The following KLF12 variants were observed in gnomAD, a reference collection of about 807,000 sequenced individuals.
KLF12 encodes the protein Krueppel-like factor 12.
A neutral mutation model predicts 37.8 loss-of-function variants in KLF12; 9 were observed. That is an observed-to-expected ratio of 0.24 (90% CI 0.14 to 0.42). The LOEUF (loss-of-function observed/expected upper bound fraction) is 0.42, where lower values mean the gene tolerates loss of function less well. KLF12 is among the 10% of genes least tolerant of loss of function. The pLI is 1.00. For missense variants in KLF12, 411 were observed against 516.0 expected, an observed-to-expected ratio of 0.80 and a Z score of 1.97; for synonymous variants, 208 against 202.1, an observed-to-expected ratio of 1.03 and a Z score of -0.25.
At chr13:74,213,680 T>G in the KLF12 span, among the ~76,000 whole-genome samples, 1 of 151,500 alleles carries the variant, frequency 6.6e-6, no homozygotes, top group African/African-American at 2.4e-5. Flanking sequence ...TCATTCTATT[T>G]GAAATATTAT....
the KLF12 span, among the ~76,000 whole-genome samples, chr13:74,168,024 A>C: frequency 5.6e-4 from 86 of 152,364 alleles, no homozygotes; most frequent in African/African-American, 2.0e-3. Context: ...TAGAATTCAA[A>C]ATTTTCCAAA....
chr13:74,212,225 C>T, the KLF12 span, among the ~76,000 whole-genome samples: 2 of 152,098 alleles, frequency 1.3e-5, no homozygotes, highest in African/African-American at 4.8e-5. Flanking sequence ...CAACCCTTGT[C>T]ACACTTTTCA....
chr13:73,801,443 G>A (rs1177653378), intron 5 of KLF12: 1 of 152,018 alleles, frequency 6.6e-6, no homozygotes, highest in Admixed American at 6.6e-5. Flanking sequence ...AATGGTTCTG[G>A]GAACTTGTAG....
At chr13:74,081,594 T>C (rs1874890035) in intron 1 of KLF12, among the ~76,000 whole-genome samples, 1 of 152,192 alleles carries the variant, frequency 6.6e-6, no homozygotes, top group South Asian at 2.1e-4. Flanking sequence ...GGATCTGCCA[T>C]GAGCAACGCA....
chr13:74,179,405 TCTTA>T, the KLF12 span, among the ~76,000 whole-genome samples: 4 of 152,208 alleles, frequency 2.6e-5, no homozygotes, highest in African/African-American at 9.7e-5. Flanking sequence ...AGGAAGATGC[TCTTA>T]CTTATATATT....
At chr13:74,017,845 C>T (rs1185266463) in intron 1 of KLF12, among the ~76,000 whole-genome samples, 1 of 151,990 alleles carries the variant, frequency 6.6e-6, no homozygotes, top group Non-Finnish European at 1.5e-5. Context: ...GATTGTCTAA[C>T]CCTCCAGGGA....
At chr13:74,155,221 GC>G in the KLF12 span, among the ~76,000 whole-genome samples, 10 of 152,126 alleles carry the variant, frequency 6.6e-5, no homozygotes, top group Non-Finnish European at 8.8e-5. Flanking sequence ...TTTCAAGCAT[GC>G]CCCCACATGC....
chr13:73,894,355 A>G (rs1887657412), intron 3 of KLF12, among the ~76,000 whole-genome samples: 1 of 152,204 alleles, frequency 6.6e-6, no homozygotes, highest in African/African-American at 2.4e-5. Flanking sequence ...GATGCCCTGT[A>G]AGTAAGATAC....
At chr13:74,213,110 A>G in the KLF12 span, among the ~76,000 whole-genome samples, 1 of 152,280 alleles carries the variant, frequency 6.6e-6, no homozygotes, top group East Asian at 1.9e-4. Context: ...ACATAATTCT[A>G]CCCAGAGATG....
At chr13:74,282,280 T>C in the KLF12 span, among the ~76,000 whole-genome samples, 1 of 152,208 alleles carries the variant, frequency 6.6e-6, no homozygotes, top group African/African-American at 2.4e-5. Context: ...TAGCAGAAAA[T>C]TCAGTCTGAA....
the KLF12 span, among the ~76,000 whole-genome samples, chr13:74,189,963 A>G: frequency 6.6e-6 from 1 of 152,196 alleles, no homozygotes; most frequent in South Asian, 2.1e-4. Context: ...AAGGTATTCC[A>G]TTGAATGCAA....
intron 3 of KLF12, among the ~76,000 whole-genome samples, chr13:73,919,684 T>C (rs1889022623): frequency 6.6e-6 from 1 of 152,152 alleles, no homozygotes; most frequent in Non-Finnish European, 1.5e-5. Context: ...CATATTGTTG[T>C]GAATCAATCC....
chr13:73,721,295 G>A (rs1475617443), intron 6 of KLF12, among the ~76,000 whole-genome samples: 1 of 152,196 alleles, frequency 6.6e-6, no homozygotes, highest in African/African-American at 2.4e-5. Context: ...TTCAGATGAA[G>A]ATACAGGTAT....
rs1486064705 is a variant in KLF12, at chr13:73,691,484, A to T, written c.*4006T>A. On this transcript the variant is annotated 3_prime_UTR_variant, in exon 8 of 8. Transcript: ENST00000377669. Reference sequence around the variant, plus strand: ...ATGAATATTAAGGCTTTCTGGGCCTATTATGATTCATAAGAGTTACCTCAC... The same window carrying T: ...ATGAATATTAAGGCTTTCTGGGCCTTTTATGATTCATAAGAGTTACCTCAC... The T allele has an allele frequency of 6.6e-6, 1 of 152,652 alleles. No homozygotes were observed. The highest frequency in any genetic ancestry group is 1.5e-5 in the Non-Finnish European group (1 of 68,034). The allele number at this position is 152,652 out of a possible 1,614,324, so 9.5% of individuals were successfully genotyped here. A position where few individuals can be genotyped will look rare whatever the true frequency, so the allele number is the denominator to read the frequency against.
chr13:73,825,213 G>A (rs574530774), intron 4 of KLF12, among the ~76,000 whole-genome samples: 3 of 152,182 alleles, frequency 2.0e-5, no homozygotes, highest in South Asian at 2.1e-4. Flanking sequence ...AGGTTTCCAC[G>A]AACTAGAATG....
At chr13:74,115,786 C>G (rs1027020541) in intron 1 of KLF12, among the ~76,000 whole-genome samples, 3 of 151,900 alleles carry the variant, frequency 2.0e-5, no homozygotes, top group Admixed American at 6.6e-5. Flanking sequence ...TGGCTTGTAG[C>G]CACATCCTTA....
chr13:73,773,603 C>T (rs924037415), intron 5 of KLF12, among the ~76,000 whole-genome samples: 2 of 152,124 alleles, frequency 1.3e-5, no homozygotes, highest in Non-Finnish European at 2.9e-5. Context: ...CACAGTTACT[C>T]ACCTATTTTA....
the KLF12 span, among the ~76,000 whole-genome samples, chr13:74,189,388 T>G: frequency 9.5e-4 from 144 of 152,304 alleles, no homozygotes; most frequent in Non-Finnish European, 1.1e-3. Flanking sequence ...ACGTTCTTCC[T>G]CATTTGCAGC....
the KLF12 span, among the ~76,000 whole-genome samples, chr13:74,213,187 C>A: frequency 6.6e-6 from 1 of 151,988 alleles, no homozygotes; most frequent in Non-Finnish European, 1.5e-5. Context: ...TAAATGGGAA[C>A]GTACTAAAAC....
Sources: allele counts gnomAD v4.1 joint callset (sites outside exome capture counted in the v4.1 genomes callset), GRCh38; gene constraint gnomAD v4.1.1; transcripts MANE v1.5; gene names NCBI Gene and HGNC (gene_info 2026-07-23, HGNC 2026-07-21).